Variants in AHRR observed in about 807,000 individuals in gnomAD.
AHRR encodes aryl hydrocarbon receptor repressor.
In AHRR, 28 loss-of-function variants were observed where a neutral mutation model predicts 44.0. The observed-to-expected ratio is 0.64, with a 90% CI of 0.47 to 0.87. The LOEUF (loss-of-function observed/expected upper bound fraction) is 0.87, where lower values mean the gene tolerates loss of function less well. AHRR is among the 40% of genes least tolerant of loss of function. The pLI is 0.00. For synonymous variants in AHRR, 434 were observed against 407.0 expected, an observed-to-expected ratio of 1.07 and a Z score of -0.80; for missense variants, 990 against 953.9, an observed-to-expected ratio of 1.04 and a Z score of -0.50.
Position 330,337 on chromosome 5 carries a change from C to G in AHRR, c.-11+8518C>G, listed in dbSNP as rs535691352. ...AGCCTACTTGATTGTGGTATATTATCTTTCTGATGGGCTGTTGGATTCAGT... is the reference window on the plus strand; with the variant it reads ...AGCCTACTTGATTGTGGTATATTATGTTTCTGATGGGCTGTTGGATTCAGT... On this transcript the variant is annotated intron_variant, in intron 1 of 10. Coordinates refer to ENST00000684583, the MANE Select transcript of AHRR (RefSeq NM_001377236.1). Among the ~76,000 whole-genome samples, 17 of 152,196 alleles carry G rather than the reference C, an allele frequency of 1.1e-4. No homozygotes were observed. The East Asian group carries it at 1.5e-3, about 14-fold the overall frequency.
chr5:426,548 CAGAT>C (rs1016392629), intron 7 of AHRR, among the ~76,000 whole-genome samples: 1 of 141,684 alleles, frequency 7.1e-6, no homozygotes, highest in South Asian at 2.3e-4. Context: ...GATAGATGGA[CAGAT>C]GGATGGATGA....
In AHRR at chr5:367,844, A is replaced by T. The variant is rs370747459; in HGVS notation, c.245-8766A>T. 8.5e-5 allele frequency: 60 copies of T among 702,532 alleles called. No homozygotes were observed. In the African/African-American group the frequency reaches 9.6e-4, roughly 11 times the overall value. The allele number at this position is 702,532 out of a possible 1,614,324, so 43.5% of individuals were successfully genotyped here. Reference sequence around the variant, plus strand: ...GCAGTGGCAGATGCCGAAGATGTGGATGACCACACGGGCGAACGAAGGCCC... The same window carrying T: ...GCAGTGGCAGATGCCGAAGATGTGGTTGACCACACGGGCGAACGAAGGCCC... On this transcript the variant is annotated intron_variant, in intron 3 of 10. Transcript: ENST00000684583.
intron 8 of AHRR, among the ~76,000 whole-genome samples, 161 bp downstream of exon 8, chr5:428,167 T>G (rs1736556601): frequency 6.6e-6 from 1 of 152,250 alleles, no homozygotes; most frequent in Non-Finnish European, 1.5e-5. Context: ...CAGCAGCGAT[T>G]AGATGAAACA....
intron 3 of AHRR, among the ~76,000 whole-genome samples, chr5:361,275 G>A (rs1465316720): frequency 7.2e-5 from 11 of 152,202 alleles, no homozygotes; most frequent in Non-Finnish European, 8.8e-5. Flanking sequence ...GGACTTGCAC[G>A]TGGTGAAACA....
chr5:398,596 A>T (rs1734871960), intron 4 of AHRR, among the ~76,000 whole-genome samples: 1 of 152,192 alleles, frequency 6.6e-6, no homozygotes, highest in Non-Finnish European at 1.5e-5. Flanking sequence ...AGCACAGGTG[A>T]GGGTCCTGGG....
At chr5:381,266 C>G (rs190526183) in intron 4 of AHRR, among the ~76,000 whole-genome samples, 131 of 152,326 alleles carry the variant, frequency 8.6e-4, no homozygotes, top group Middle Eastern at 3.4e-3. Context: ...AGGCATCTCT[C>G]AATCCAATCC....
At chr5:396,508 G>GC (rs1187120435) in intron 4 of AHRR, among the ~76,000 whole-genome samples, 1 of 152,184 alleles carries the variant, frequency 6.6e-6, no homozygotes, top group Non-Finnish European at 1.5e-5. Context: ...TTTCCCACAA[G>GC]CCCCACAGAA....
At chr5:355,795 C>T (rs916020279) in intron 3 of AHRR, among the ~76,000 whole-genome samples, 1 of 152,226 alleles carries the variant, frequency 6.6e-6, no homozygotes, top group Admixed American at 6.5e-5. Context: ...CCACCTCTGC[C>T]GCAGCTGCAG....
chr5:403,004 G>A (rs1735082557), intron 4 of AHRR, among the ~76,000 whole-genome samples: 1 of 152,174 alleles, frequency 6.6e-6, no homozygotes, highest in Non-Finnish European at 1.5e-5. Context: ...CATCGAAACA[G>A]AGAGTCAGTG....
intron 3 of AHRR, among the ~76,000 whole-genome samples, chr5:366,032 T>A (rs1743349675): frequency 6.6e-6 from 1 of 152,050 alleles, no homozygotes; most frequent in Non-Finnish European, 1.5e-5. Context: ...CATGAATATG[T>A]ACGTAAAATG....
chr5:420,945 C>T (rs1560919483), intron 5 of AHRR: 1 of 246,210 alleles, frequency 4.1e-6, no homozygotes, highest in East Asian at 1.0e-4. Context: ...CCCACCCACA[C>T]AGGCGCACAT....
intron 4 of AHRR, among the ~76,000 whole-genome samples, chr5:381,668 C>G (rs888022558): frequency 6.6e-6 from 1 of 152,046 alleles, no homozygotes; most frequent in Admixed American, 6.5e-5. Flanking sequence ...GCATCCACCA[C>G]CATGCCCAGC....
At chr5:335,114 C>T (rs1286966596) in intron 1 of AHRR, among the ~76,000 whole-genome samples, 1 of 152,000 alleles carries the variant, frequency 6.6e-6, no homozygotes, top group Non-Finnish European at 1.5e-5. Context: ...ATCCTTGTGC[C>T]CCAGGGTGGC....
chr5:385,865 T>C (rs1434549687), intron 4 of AHRR, among the ~76,000 whole-genome samples: 1 of 152,218 alleles, frequency 6.6e-6, no homozygotes, highest in African/African-American at 2.4e-5. Context: ...TTAGACTTTT[T>C]AATATTTCCT....
At chr5:329,882 T>A (rs1269492718) in intron 1 of AHRR, among the ~76,000 whole-genome samples, 1 of 152,222 alleles carries the variant, frequency 6.6e-6, no homozygotes, top group African/African-American at 2.4e-5. Context: ...ATCTTTAGGT[T>A]TTTTTAGATA....
At chr5:401,855 G>A (rs1269730042) in intron 4 of AHRR, among the ~76,000 whole-genome samples, 3 of 152,208 alleles carry the variant, frequency 2.0e-5, no homozygotes, top group Non-Finnish European at 2.9e-5. Flanking sequence ...CCAAGCCTCC[G>A]TTGACAGGTG....
At chr5:391,446 G>GGGGGA in intron 4 of AHRR, among the ~76,000 whole-genome samples, 1 of 110,284 alleles carries the variant, frequency 9.1e-6, no homozygotes, top group Non-Finnish European at 1.7e-5. Flanking sequence ...GGCGGGCGCA[G>GGGGGA]GGCGAGGCAG....
At chr5:418,541 G>A (rs192677814) in intron 5 of AHRR, among the ~76,000 whole-genome samples, 6 of 152,270 alleles carry the variant, frequency 3.9e-5, no homozygotes, top group African/African-American at 1.4e-4. Flanking sequence ...ATTCCCTTTT[G>A]TTACCTGACT....
chr5:367,664 A>G, intron 3 of AHRR: 1 of 596,644 alleles, frequency 1.7e-6, no homozygotes, highest in Non-Finnish European at 3.0e-6. Context: ...TTCACCCCTC[A>G]GGAGGCCTTC....
Sources: allele counts gnomAD v4.1 joint callset (sites outside exome capture counted in the v4.1 genomes callset), GRCh38; gene constraint gnomAD v4.1.1; transcripts MANE v1.5; gene names NCBI Gene and HGNC (gene_info 2026-07-23, HGNC 2026-07-21).